Variants in PCNX3 observed in about 807,000 individuals in gnomAD.
PCNX3 encodes pecanex 3.
PCNX3 carries 58 observed loss-of-function variants against 207.2 expected under a neutral mutation model. The observed-to-expected ratio is 0.28, with a 90% CI of 0.23 to 0.35. The LOEUF (loss-of-function observed/expected upper bound fraction) is 0.35. Among genes scored for constraint, PCNX3 ranks in the 10% least tolerant of loss-of-function variants. PCNX3 has a pLI of 1.00. For synonymous variants in PCNX3, 1,337 were observed against 1,183.5 expected (o/e 1.13, Z -2.66); for missense variants, 2,410 against 2,774.4 (o/e 0.87, Z 2.95).
At chr11:65,634,715 C>G in intron 29 of PCNX3, 74 bp downstream of exon 29, 2 of 1,390,216 alleles carry the variant, frequency 1.4e-6, no homozygotes, top group Non-Finnish European at 2.0e-6. Context: ...ACTGTGGTCT[C>G]TGGCCACAGT....
At chr11:65,616,777 G>C in intron 1 of PCNX3, 47 bp from the exon 2 acceptor site, 1 of 1,575,762 alleles carries the variant, frequency 6.3e-7, no homozygotes, top group Non-Finnish European at 8.7e-7. Flanking sequence ...TACATCCTGT[G>C]GGGGCGAGGC....
Position 65,625,423 on chromosome 11 carries a change from G to C in PCNX3, c.3048G>C (p.Lys1016Asn). The change falls in exon 18 of 35, where the codon AAG (lysine) becomes AAC (asparagine). Residue 1016 changes from lysine (K) to asparagine (N), a missense_variant. By Grantham distance (94) the Lys-to-Asn change is moderately conservative. Coordinates refer to ENST00000355703, the MANE Select transcript of PCNX3 (RefSeq NM_032223.4). The surrounding 1 kb of genome is among the most constrained non-coding windows in gnomAD (Gnocchi z 5.6). ...PTVLWSLIRS[K>N]LFPELEERSL... ...CCCCCAGGTCTCTGATCCGGAGCAAGCTGTTCCCTGAGCTGGAGGAGCGCA... is the reference window on the plus strand; with the variant it reads ...CCCCCAGGTCTCTGATCCGGAGCAACCTGTTCCCTGAGCTGGAGGAGCGCA... 6.2e-7 allele frequency: 1 copy of C among 1,605,200 alleles called. No homozygotes were observed. The highest frequency in any genetic ancestry group is 8.5e-7 in the Non-Finnish European group (1 of 1,179,062).
At chr11:65,619,502 C>T (rs775244884) in intron 6 of PCNX3, 35 bp from the exon 7 acceptor site, 11 of 1,604,190 alleles carry the variant, frequency 6.9e-6, no homozygotes, top group African/African-American at 1.3e-5. Context: ...GTCTGAGCAT[C>T]TGTCACTTAC....
At chr11:65,621,247 A>C (rs539519395) in intron 10 of PCNX3, among the ~76,000 whole-genome samples, 3 of 152,196 alleles carry the variant, frequency 2.0e-5, no homozygotes, top group Non-Finnish European at 4.4e-5. Context: ...CATGGGTGTT[A>C]ATGATGATAC....
Position 65,624,937 on chromosome 11 carries a change from C to T in PCNX3, c.2840C>T (p.Pro947Leu), listed in dbSNP as rs769113678. The T allele has an allele frequency of 3.9e-5, 62 of 1,610,018 alleles. No homozygotes were observed. The highest frequency in any genetic ancestry group is 2.9e-4 in the East Asian group (13 of 44,824). ...CCCTTCCACACAGCTGCCACCAGCCCGCTCACGGCAGTCTTCAGCCTCTCC... is the reference window on the plus strand; with the variant it reads ...CCCTTCCACACAGCTGCCACCAGCCTGCTCACGGCAGTCTTCAGCCTCTCC... ...HGFGGTAATS[P>L]LTAVFSLSRS... Residue 947 changes from proline to leucine, a missense_variant, in exon 16 of 35, where the codon CCG becomes CTG. This residue lies in a region of PCNX3 where 333 missense variants were observed against 386.8 expected (regional missense o/e 0.86). Transcript: ENST00000355703.
intron 12 of PCNX3, 35 bp downstream of exon 12, chr11:65,623,679 C>T (rs756546512): frequency 6.9e-6 from 11 of 1,599,494 alleles, no homozygotes; most frequent in South Asian, 2.2e-5. Flanking sequence ...CTTCCCCACC[C>T]GACTTTTCCC....
At position 65,622,321 on chromosome 11, in the gene PCNX3, C is replaced by T; in HGVS notation, c.2312C>T (p.Thr771Ile). 6.3e-7 allele frequency: 1 copy of T among 1,597,068 alleles called. No individual in the cohort carries two copies. Among genetic ancestry groups the T allele is most frequent in the Non-Finnish European group, 8.5e-7 (1 of 1,172,618 alleles). The change falls in exon 11 of 35, where the codon ACC becomes ATC. Residue 771 changes from threonine (T) to isoleucine (I), a missense_variant. Physicochemically the swap from Thr to Ile is moderately conservative, Grantham distance 89 (BLOSUM62 -1). This residue lies in a region of PCNX3 where 177 missense variants were observed against 257.5 expected (regional missense o/e 0.69). Transcript: ENST00000355703. ...YKYWLLPGRW[T>I]SVRYERLALL... ...TACTGGCTTCTCCCTGGCCGCTGGA[C>T]CTCTGTGCGCTATGAGCGGCTTGCC...
Position 65,635,500 on chromosome 11 carries a change from G to T in PCNX3, c.5185-29G>T. ...CCCTGCCCCAAACCCCCTTGGGCCG[G>T]CCCCCTGACCCTGGCGTGTGGCTCT... On this transcript the variant is annotated intron_variant, in intron 31 of 34. Coordinates refer to ENST00000355703, the MANE Select transcript of PCNX3 (RefSeq NM_032223.4). The surrounding 1 kb of genome is among the most constrained non-coding windows in gnomAD (Gnocchi z 9.9). The T allele has an allele frequency of 1.2e-6, 2 of 1,606,968 alleles. No individual in the cohort carries two copies. Among genetic ancestry groups the T allele is most frequent in the Non-Finnish European group, 1.7e-6 (2 of 1,177,898 alleles).
At chr11:65,633,216 G>C (rs925693197) in intron 27 of PCNX3, among the ~76,000 whole-genome samples, 15 of 152,188 alleles carry the variant, frequency 9.9e-5, no homozygotes, top group Admixed American at 2.6e-4. Flanking sequence ...TGGCTGCCCT[G>C]CCGGCCTTAA....
At chr11:65,632,337 G>A (rs929577006) in intron 27 of PCNX3, among the ~76,000 whole-genome samples, 30 of 151,686 alleles carry the variant, frequency 2.0e-4, no homozygotes, top group African/African-American at 6.8e-4. Flanking sequence ...GTGCTGGGGA[G>A]CCTGGTGCAT....
At position 65,627,426 on chromosome 11, in the gene PCNX3, C is replaced by A. The variant is rs747768738; in HGVS notation, c.3546C>A (p.Thr1182=). Residue 1182 remains threonine (T), a synonymous_variant, in exon 22 of 35, where the codon ACC becomes ACA. Transcript: ENST00000355703. ...ACAGCTGCCGGGCGCTGCTGATGAC[C>A]GTGGCTGGGCTGAAGCTGCTGCGCT... is the stretch of plus-strand genomic sequence containing the variant. The part of the protein sequence containing the change: ...YCFYCRALLM[T]VAGLKLLRSA... 1 of 1,611,118 alleles carries A rather than the reference C, an allele frequency of 6.2e-7. No homozygotes were observed. The highest frequency in any genetic ancestry group is 1.1e-5 in the South Asian group (1 of 91,076).
intron 21 of PCNX3, 54 bp downstream of exon 21, chr11:65,627,102 G>A (rs920888934): frequency 3.7e-5 from 54 of 1,453,866 alleles, no homozygotes; most frequent in Non-Finnish European, 4.5e-5. Flanking sequence ...CTTTTGATCC[G>A]TGGGGAAACT....
chr11:65,616,548 G>A, intron 1 of PCNX3, 84 bp downstream of exon 1: 1 of 1,434,784 alleles, frequency 7.0e-7, no homozygotes. Flanking sequence ...CTGGGCTCTG[G>A]GACGTGGAGA....
intron 26 of PCNX3, 120 bp from the exon 27 acceptor site, chr11:65,630,231 C>G (rs1346315886): frequency 7.2e-7 from 1 of 1,398,434 alleles, no homozygotes; most frequent in African/African-American, 1.4e-5. Context: ...AAGGTTGACT[C>G]CCCTGGCGTC....
At chr11:65,621,111 C>A in intron 10 of PCNX3, 145 bp downstream of exon 10, 3 of 1,104,090 alleles carry the variant, frequency 2.7e-6, no homozygotes, top group Non-Finnish European at 3.7e-6. Context: ...CCTACTGTGT[C>A]TGTCCTGATC....
chr11:65,621,835 C>T (rs1471830206), intron 10 of PCNX3, among the ~76,000 whole-genome samples: 1 of 152,216 alleles, frequency 6.6e-6, no homozygotes, highest in Non-Finnish European at 1.5e-5. Flanking sequence ...CCTGCATGCA[C>T]GCTCGGATGG....
chr11:65,620,800 G>A (rs764457566), intron 9 of PCNX3, 31 bp from the exon 10 acceptor site: 7 of 1,587,738 alleles, frequency 4.4e-6, no homozygotes, highest in East Asian at 2.3e-5. Flanking sequence ...GCTCGCCCGT[G>A]GGGGGATCCT....
intron 27 of PCNX3, 130 bp downstream of exon 27, chr11:65,630,734 G>A: frequency 7.5e-7 from 1 of 1,331,474 alleles, no homozygotes; most frequent in Non-Finnish European, 1.0e-6. Context: ...GCCTCAGAGA[G>A]TTTAAGTGTC....
chr11:65,624,911 T>C lies in PCNX3; in HGVS notation c.2828-14T>C. 1.9e-6 allele frequency: 3 copies of C among 1,602,076 alleles called. No homozygotes were observed. Among genetic ancestry groups the C allele is most frequent in the Non-Finnish European group, 2.6e-6 (3 of 1,176,420 alleles). ...GCAAGTGAGAGCTGGGCTGTACTTC[T>C]CCCTTCCACACAGCTGCCACCAGCC... On this transcript the variant is annotated splice_polypyrimidine_tract_variant and intron_variant, in intron 15 of 34. Coordinates refer to ENST00000355703, the MANE Select transcript of PCNX3 (RefSeq NM_032223.4).
Sources: gnomAD v4.1 joint callset for allele counts (sites outside exome capture counted in the v4.1 genomes callset) on GRCh38, gnomAD v4.1.1 for gene constraint, gnomAD v4.1.1 regional missense constraint, Gnocchi (gnomAD v3.1) non-coding constraint, MANE v1.5 for transcripts, NCBI Gene and HGNC (gene_info 2026-07-23, HGNC 2026-07-21) for gene names.